ANK3: variants seen among roughly 807,000 people sequenced by gnomAD.
ANK3 encodes ankyrin-3.
Under a neutral mutation model 370.9 loss-of-function variants are expected in ANK3, and 57 were observed. The ratio of observed to expected loss-of-function variants is 0.15; its 90% CI spans 0.12 to 0.19. ANK3 has a LOEUF of 0.19. Ranked by LOEUF, ANK3 falls within the 10% of genes least tolerant of loss-of-function variation. The pLI, the probability that ANK3 is intolerant of heterozygous loss-of-function variation, is 1.00. For missense variants in ANK3, 4,439 were observed against 5,302.1 expected, an observed-to-expected ratio of 0.84 and a Z score of 5.06; for synonymous variants, 1,929 against 1,946.3, an observed-to-expected ratio of 0.99 and a Z score of 0.23.
chr10:60,208,680 G>A (rs1208966753), intron 9 of ANK3, among the ~76,000 whole-genome samples: 3 of 152,028 alleles, frequency 2.0e-5, no homozygotes, highest in Non-Finnish European at 4.4e-5. Context: ...TAATATTTAA[G>A]ACTAAAAGAA....
At chr10:60,047,706 A>T (rs2077190897) in intron 42 of ANK3, among the ~76,000 whole-genome samples, 1 of 152,358 alleles carries the variant, frequency 6.6e-6, no homozygotes, top group Middle Eastern at 3.4e-3. Context: ...GTTGTACTAT[A>T]TAGTAAAAAT....
At chr10:60,696,512 T>C (rs2079452408) in intron 1 of ANK3, among the ~76,000 whole-genome samples, 1 of 151,524 alleles carries the variant, frequency 6.6e-6, no homozygotes, top group Non-Finnish European at 1.5e-5. Flanking sequence ...AATAAAATAC[T>C]GGCAAACCGA....
chr10:60,162,704 T>C (rs2095528564), intron 23 of ANK3, among the ~76,000 whole-genome samples: 1 of 152,216 alleles, frequency 6.6e-6, no homozygotes, highest in Non-Finnish European at 1.5e-5. Flanking sequence ...AGAGATATTT[T>C]TCAGCCCTAT....
chr10:60,440,533 A>G (rs1157161427), intron 2 of ANK3, among the ~76,000 whole-genome samples: 3 of 151,960 alleles, frequency 2.0e-5, no homozygotes, highest in Admixed American at 2.0e-4. Context: ...GCATGGGGGG[A>G]ACCACCCCCA....
intron 23 of ANK3, among the ~76,000 whole-genome samples, chr10:60,158,084 T>C (rs1404272140): frequency 1.3e-5 from 2 of 152,068 alleles, no homozygotes; most frequent in Admixed American, 6.5e-5. Flanking sequence ...TTAAGGTATA[T>C]AGTCATCAAA....
chr10:60,392,999 T>C (rs2063144872), upstream of ANK3, among the ~76,000 whole-genome samples: 1 of 152,156 alleles, frequency 6.6e-6, no homozygotes, highest in Non-Finnish European at 1.5e-5. Context: ...TGACTTCCCT[T>C]TCTCAAGAAA....
chr10:60,092,827 C>T (rs936521214), intron 28 of ANK3, among the ~76,000 whole-genome samples: 1 of 152,244 alleles, frequency 6.6e-6, no homozygotes, highest in Non-Finnish European at 1.5e-5. Flanking sequence ...CCTCCGCCTC[C>T]TGGGCTCAAG....
chr10:60,170,423 G>C (rs1476382307), intron 21 of ANK3, among the ~76,000 whole-genome samples: 1 of 152,188 alleles, frequency 6.6e-6, no homozygotes, highest in Non-Finnish European at 1.5e-5. Context: ...CATCAGTCCT[G>C]TCTAAGCTAG....
intron 40 of ANK3, chr10:60,061,984 G>A (rs1303877195): frequency 1.3e-5 from 2 of 152,132 alleles, no homozygotes; most frequent in Non-Finnish European, 2.9e-5. Flanking sequence ...TCATTATAGA[G>A]GCTGGGTGGG....
At chr10:60,529,955 A>G (rs1595215643) in intron 2 of ANK3, among the ~76,000 whole-genome samples, 3 of 152,312 alleles carry the variant, frequency 2.0e-5, no homozygotes, top group African/African-American at 4.8e-5. Flanking sequence ...GGCATTGAAT[A>G]AATGCTGGCA....
chr10:60,476,399 C>CT (rs1164609576), intron 2 of ANK3, among the ~76,000 whole-genome samples: 1 of 152,010 alleles, frequency 6.6e-6, no homozygotes, highest in Non-Finnish European at 1.5e-5. Context: ...TTATAACATC[C>CT]TTTTTTAAGT....
In ANK3 at chr10:60,063,026, G is replaced by C. The variant is rs56278008; in HGVS notation, c.12595+85C>G. On this transcript the variant is annotated intron_variant, in intron 40 of 43. Coordinates refer to ENST00000280772, the MANE Select transcript of ANK3 (RefSeq NM_020987.5). ...ACTAAGTCAAGCAAATCACAGTTTA[G>C]TTGCTTTTAAGTGACTGCCTTGTCT... is the stretch of plus-strand genomic sequence containing the variant. The C allele has an allele frequency of 0.018, 24,043 of 1,353,102 alleles. 301 individuals are homozygous for C. Among genetic ancestry groups the C allele is most frequent in the Non-Finnish European group, 0.02 (20,499 of 1,006,028 alleles). The allele number at this position is 1,353,102 out of a possible 1,614,324, so 83.8% of individuals were successfully genotyped here. A position where few individuals can be genotyped will look rare whatever the true frequency, so the allele number is the denominator to read the frequency against.
intron 7 of ANK3, among the ~76,000 whole-genome samples, chr10:60,254,325 CAT>C (rs1347331004): frequency 6.6e-6 from 1 of 151,562 alleles, no homozygotes; most frequent in African/African-American, 2.4e-5. Context: ...GTATTTTAAA[CAT>C]ATGTTTGCAA....
chr10:60,469,094 T>TATACAC (rs1419316441), intron 2 of ANK3, among the ~76,000 whole-genome samples: 8 of 37,980 alleles, frequency 2.1e-4, no homozygotes, highest in African/African-American at 8.3e-4. Flanking sequence ...TATATATATA[T>TATACAC]ACCACTTTTA....
chr10:60,332,019 A>T (rs2051466798), intron 1 of ANK3, among the ~76,000 whole-genome samples: 1 of 152,044 alleles, frequency 6.6e-6, no homozygotes, highest in Non-Finnish European at 1.5e-5. Flanking sequence ...AACAACTCAT[A>T]ACATCAGGAA....
intron 41 of ANK3, among the ~76,000 whole-genome samples, chr10:60,056,559 C>T (rs556849903): frequency 1.3e-5 from 2 of 152,254 alleles, no homozygotes; most frequent in East Asian, 3.9e-4. Flanking sequence ...TCTCAGTTGC[C>T]AAATTGCCTA....
chr10:60,588,160 T>TTTATTATTATTATTATTATTA (rs147944306), intron 2 of ANK3, among the ~76,000 whole-genome samples: 16 of 141,110 alleles, frequency 1.1e-4, no homozygotes, highest in African/African-American at 3.4e-4. Context: ...TTTCTCAGTT[T>TTTATTATTATTATTATTATTA]TTATTATTAT....
intron 7 of ANK3, among the ~76,000 whole-genome samples, chr10:60,255,768 A>G (rs2097725500): frequency 6.6e-6 from 1 of 152,224 alleles, no homozygotes; most frequent in Non-Finnish European, 1.5e-5. Flanking sequence ...GCCACTAGCT[A>G]TTGAGCACTT....
intron 2 of ANK3, among the ~76,000 whole-genome samples, chr10:60,501,710 AAAAAAAAAAAAAAG>A (rs907376314): frequency 7.3e-5 from 11 of 151,512 alleles, no homozygotes; most frequent in African/African-American, 2.2e-4. Context: ...TGTCTCAAAA[AAAAAAAAAAAAAAG>A]AAAAGAAAAA....
Sources: gnomAD v4.1 joint callset for allele counts (sites outside exome capture counted in the v4.1 genomes callset) on GRCh38, gnomAD v4.1.1 for gene constraint, MANE v1.5 for transcripts, NCBI Gene and HGNC (gene_info 2026-07-23, HGNC 2026-07-21) for gene names.